The following CTNNA2 variants were observed in gnomAD, a reference collection of about 807,000 sequenced individuals.
CTNNA2 encodes the protein catenin alpha 2, also known as catenin alpha-2.
In CTNNA2, 42 loss-of-function variants were observed where a neutral mutation model predicts 101.0. That is an observed-to-expected ratio of 0.42 (90% CI 0.32 to 0.54). The LOEUF (loss-of-function observed/expected upper bound fraction) is 0.54, where lower values mean the gene tolerates loss of function less well. Ranked by LOEUF, CTNNA2 falls within the 20% of genes least tolerant of loss-of-function variation. The pLI is 0.14. For synonymous variants in CTNNA2, 450 were observed against 456.4 expected (o/e 0.99, Z 0.18); for missense variants, 871 against 1,223.1 (o/e 0.71, Z 4.29).
intron 1 of CTNNA2, among the ~76,000 whole-genome samples, chr2:79,624,224 A>G (rs1558780285): frequency 6.6e-6 from 1 of 152,220 alleles, no homozygotes; most frequent in Non-Finnish European, 1.5e-5. Flanking sequence ...ATCAAGAAAG[A>G]GATTGGGGAT....
At chr2:80,223,363 C>T (rs577087029) in intron 7 of CTNNA2, among the ~76,000 whole-genome samples, 1 of 152,328 alleles carries the variant, frequency 6.6e-6, no homozygotes, top group South Asian at 2.1e-4. Flanking sequence ...CAACCTCTGC[C>T]TCCAGGGTTC....
chr2:79,782,966 C>CTT (rs36059702), intron 3 of CTNNA2, among the ~76,000 whole-genome samples: 2,713 of 145,998 alleles, frequency 0.019, 130 homozygotes, highest in East Asian at 0.17. Context: ...TCTTGACAGT[C>CTT]TTTTTTTTTT....
rs373067392 is a variant in CTNNA2 at position 79,683,457 on chromosome 2, T to A, written c.102+31799T>A. Among the ~76,000 whole-genome samples, 4 of 152,248 alleles carry A rather than the reference T, an allele frequency of 2.6e-5. No homozygotes were observed. The East Asian group carries it at 7.7e-4, about 29-fold the overall frequency. ...AATAATTTGAGATACCAGCTTGATG[T>A]AAGCACCAAAACACCTACTGGCCTC... On this transcript the variant is annotated intron_variant, in intron 2 of 18. Transcript: ENST00000402739.
chr2:80,317,704 C>T (rs572348318), intron 7 of CTNNA2, among the ~76,000 whole-genome samples: 4 of 152,156 alleles, frequency 2.6e-5, no homozygotes, highest in South Asian at 4.1e-4. Context: ...TACCGACAAC[C>T]ACACACATTC....
intron 7 of CTNNA2, among the ~76,000 whole-genome samples, chr2:80,199,240 T>C (rs981702967): frequency 2.2e-5 from 3 of 139,136 alleles, no homozygotes; most frequent in Non-Finnish European, 4.6e-5. Flanking sequence ...ATAGGAACAG[T>C]GCTAAACTCT....
chr2:80,274,403 A>C (rs1162454047), intron 7 of CTNNA2, among the ~76,000 whole-genome samples: 2 of 152,212 alleles, frequency 1.3e-5, no homozygotes, highest in African/African-American at 4.8e-5. Context: ...ATCTGGGAAG[A>C]CATTAAGATA....
chr2:80,577,129 A>G (rs945495819), intron 13 of CTNNA2, among the ~76,000 whole-genome samples: 2 of 152,216 alleles, frequency 1.3e-5, no homozygotes, highest in Non-Finnish European at 2.9e-5. Flanking sequence ...CTGAAAGCTT[A>G]TTAGATGTCC....
At chr2:80,483,571 G>A (rs1470365757) in intron 9 of CTNNA2, among the ~76,000 whole-genome samples, 1 of 152,084 alleles carries the variant, frequency 6.6e-6, no homozygotes, top group Non-Finnish European at 1.5e-5. Context: ...TGTCTTGGAA[G>A]AGGGGTGCAA....
chr2:80,365,647 A>G (rs752577860), intron 7 of CTNNA2, among the ~76,000 whole-genome samples: 1 of 151,766 alleles, frequency 6.6e-6, no homozygotes, highest in Admixed American at 6.6e-5. Context: ...TTTGGCCTGT[A>G]GACACTTTTA....
At chr2:79,581,657 A>T (rs186396544) in intron 1 of CTNNA2, among the ~76,000 whole-genome samples, 14 of 152,326 alleles carry the variant, frequency 9.2e-5, no homozygotes. Flanking sequence ...TGTTCACAAC[A>T]GTATGCCTTT....
chr2:79,716,080 G>A (rs909200069), intron 2 of CTNNA2, among the ~76,000 whole-genome samples: 2 of 152,006 alleles, frequency 1.3e-5, no homozygotes, highest in African/African-American at 4.8e-5. Context: ...AAGCCACAGG[G>A]ATATGCTCCA....
Position 79,209,741 on chromosome 2 carries a change from C to T in CTNNA2, c.-406+11665C>T, listed in dbSNP as rs188002741. On this transcript the variant is annotated intron_variant, in intron 2 of 21. Transcript: ENST00000466387. The stretch of plus-strand genomic sequence containing the variant: ...CTTATCTATCAGGTCTGAAATATTA[C>T]TCCTTAAGGGTCCTTGAAGATTTTG... Among the ~76,000 whole-genome samples the T allele has an allele frequency of 1.5e-4, 5 of 33,348 alleles. No homozygotes were observed. In the African/African-American group the frequency reaches 2.7e-3, roughly 18 times the overall value. 21.9% of individuals were successfully genotyped at this position (33,348 alleles called of 152,430 possible).
intron 3 of CTNNA2, among the ~76,000 whole-genome samples, chr2:79,794,781 T>C (rs540098675): frequency 6.6e-6 from 1 of 152,204 alleles, no homozygotes; most frequent in Non-Finnish European, 1.5e-5. Flanking sequence ...GTAGGATAAA[T>C]CTACCTTGCT....
At chr2:79,674,240 G>T (rs1683041721) in intron 2 of CTNNA2, among the ~76,000 whole-genome samples, 1 of 152,324 alleles carries the variant, frequency 6.6e-6, no homozygotes, top group Admixed American at 6.5e-5. Context: ...CTATTTTAGA[G>T]AAAGCTTCTT....
chr2:79,521,165 TATAA>T lies in CTNNA2; in HGVS notation c.-6+7961_-6+7964del, dbSNP rs1558695295. On this transcript the variant is annotated intron_variant, in intron 1 of 18. Transcript: ENST00000402739. ...ATATATATATATATATATATATATA[TATAA>T]ATTTTAAGGTGCGCTATTTAATATA... Among the ~76,000 whole-genome samples the T allele has an allele frequency of 2.0e-4, 21 of 103,106 alleles. 1 individual carries two copies. The highest frequency in any genetic ancestry group is 7.5e-4 in the African/African-American group (19 of 25,362). 67.6% of individuals were successfully genotyped at this position (103,106 alleles called of 152,430 possible).
At chr2:79,316,328 C>A (rs1395525321) in intron 3 of CTNNA2, among the ~76,000 whole-genome samples, 1 of 152,000 alleles carries the variant, frequency 6.6e-6, no homozygotes, top group Non-Finnish European at 1.5e-5. Flanking sequence ...ATGCCTGTAC[C>A]ACACTACTTT....
intron 18 of CTNNA2, among the ~76,000 whole-genome samples, chr2:80,621,320 T>C (rs1214360718): frequency 6.6e-6 from 1 of 151,992 alleles, no homozygotes; most frequent in Non-Finnish European, 1.5e-5. Context: ...TTTTATTTTG[T>C]ACATACAATT....
chr2:80,567,849 TTA>T (rs761919961), intron 12 of CTNNA2, among the ~76,000 whole-genome samples: 47 of 152,160 alleles, frequency 3.1e-4, no homozygotes, highest in Non-Finnish European at 5.9e-4. Flanking sequence ...TCGTGATATT[TTA>T]TGTTATTTTT....
intron 3 of CTNNA2, among the ~76,000 whole-genome samples, chr2:79,746,634 T>G (rs1002756388): frequency 2.6e-5 from 4 of 152,220 alleles, no homozygotes; most frequent in Non-Finnish European, 2.9e-5. Context: ...ATATATCTGT[T>G]TAATGGACCA....
Sources: gnomAD v4.1 joint callset for allele counts (sites outside exome capture counted in the v4.1 genomes callset) on GRCh38, gnomAD v4.1.1 for gene constraint, MANE v1.5 for transcripts, NCBI Gene and HGNC (gene_info 2026-07-23, HGNC 2026-07-21) for gene names.